The following NBL1 variants were observed in gnomAD, a reference collection of about 807,000 sequenced individuals.
NBL1 encodes NBL1, DAN family BMP antagonist, also known as neuroblastoma suppressor of tumorigenicity 1.
A neutral mutation model predicts 16.0 loss-of-function variants in NBL1; 9 were observed. The ratio of observed to expected loss-of-function variants is 0.56; its 90% CI spans 0.34 to 0.98. The LOEUF is 0.98. NBL1 is among the 50% of genes least tolerant of loss of function. NBL1 has a pLI of 0.02. For missense variants in NBL1, 196 were observed against 243.1 expected, an observed-to-expected ratio of 0.81 and a Z score of 1.29; for synonymous variants, 86 against 100.7, an observed-to-expected ratio of 0.85 and a Z score of 0.87.
chr1:19,650,737 TAA>T (rs113565150), intron 1 of NBL1, among the ~76,000 whole-genome samples: 1 of 139,158 alleles, frequency 7.2e-6, no homozygotes, highest in African/African-American at 2.6e-5. Context: ...GATCGCTGCT[TAA>T]AAAAAAAAAA....
chr1:19,647,845 G>C (rs1262225904), intron 1 of NBL1, among the ~76,000 whole-genome samples: 1 of 151,052 alleles, frequency 6.6e-6, no homozygotes, highest in Non-Finnish European at 1.5e-5. Flanking sequence ...TAACAGGAAA[G>C]GCCTGGTGTG....
At chr1:19,644,294 C>T (rs2094963996), upstream of NBL1, 3 of 979,626 alleles carry the variant, frequency 3.1e-6, no homozygotes, top group Non-Finnish European at 2.4e-6. This position sits in a 1 kb window ranked among gnomAD's most constrained non-coding sequence, Gnocchi z 4.6. Flanking sequence ...CCCCGCGCCG[C>T]GCGCCCGCCC....
intron 1 of NBL1, among the ~76,000 whole-genome samples, chr1:19,647,058 A>C (rs1236954162): frequency 6.6e-6 from 1 of 152,170 alleles, no homozygotes; most frequent in African/African-American, 2.4e-5. Flanking sequence ...ATGATGGGCG[A>C]TCTCTCCAGA....
intron 1 of NBL1, among the ~76,000 whole-genome samples, chr1:19,654,663 A>T (rs912237198): frequency 6.6e-6 from 1 of 152,086 alleles, no homozygotes; most frequent in African/African-American, 2.4e-5. Flanking sequence ...CAGTGGCACC[A>T]TCTCCCCTTT....
Position 19,657,353 on chromosome 1 carries a change from C to T in NBL1, c.*224C>T. The T allele has an allele frequency of 4.2e-6, 1 of 238,466 alleles. No homozygotes were observed. Among genetic ancestry groups the T allele is most frequent in the Non-Finnish European group, 7.3e-6 (1 of 136,566 alleles). The allele number at this position is 238,466 out of a possible 1,614,324, so 14.8% of individuals were successfully genotyped here. A position where few individuals can be genotyped will look rare whatever the true frequency, so the allele number is the denominator to read the frequency against. On this transcript the variant is annotated 3_prime_UTR_variant, in exon 4 of 4. Transcript: ENST00000375136. ...AAGAGTGGGGGGAGGAAGCAGAGGT[C>T]TTCAGGGCTCTTTTTTTGGGGGGGG... is the stretch of plus-strand genomic sequence containing the variant.
chr1:19,654,683 G>A (rs1008405197), intron 1 of NBL1, among the ~76,000 whole-genome samples: 1 of 151,966 alleles, frequency 6.6e-6, no homozygotes, highest in Non-Finnish European at 1.5e-5. Flanking sequence ...TTTAGATGAA[G>A]AAACCGAGGC....
Position 19,657,328 on chromosome 1 carries a change from A to C in NBL1, c.*199A>C. 2.8e-5 allele frequency: 8 copies of C among 281,954 alleles called. No individual in the cohort carries two copies. The highest frequency in any genetic ancestry group is 5.7e-5 in the East Asian group (1 of 17,460). 17.5% of individuals were successfully genotyped at this position (281,954 alleles called of 1,614,324 possible). A position where few individuals can be genotyped will look rare whatever the true frequency, so the allele number is the denominator to read the frequency against. ...CCAAGCTGCACAATTTAATATATTCAAGAGTGGGGGGAGGAAGCAGAGGTC... is the reference window on the plus strand; with the variant it reads ...CCAAGCTGCACAATTTAATATATTCCAGAGTGGGGGGAGGAAGCAGAGGTC... On this transcript the variant is annotated 3_prime_UTR_variant, in exon 4 of 4. Coordinates refer to ENST00000375136, the MANE Select transcript of NBL1 (RefSeq NM_005380.8).
chr1:19,643,572 A>G, upstream of NBL1: 1 of 1,414,342 alleles, frequency 7.1e-7, no homozygotes, highest in Non-Finnish European at 9.2e-7. The surrounding 1 kb of genome is among the most constrained non-coding windows in gnomAD (Gnocchi z 4.7). Context: ...GGAACCCCCG[A>G]GGTGAGGCTG....
chr1:19,656,087 C>A (rs1414437901), intron 3 of NBL1, among the ~76,000 whole-genome samples: 1 of 152,150 alleles, frequency 6.6e-6, no homozygotes, highest in African/African-American at 2.4e-5. Flanking sequence ...CAGTCTTCCA[C>A]CTGCATCCGG....
chr1:19,651,201 T>C (rs1355549933), intron 1 of NBL1, among the ~76,000 whole-genome samples: 1 of 152,170 alleles, frequency 6.6e-6, no homozygotes, highest in African/African-American at 2.4e-5. Context: ...GTTCAAACAC[T>C]GGGGACTCCA....
At chr1:19,648,423 G>C (rs531202543) in intron 1 of NBL1, among the ~76,000 whole-genome samples, 1 of 152,166 alleles carries the variant, frequency 6.6e-6, no homozygotes, top group Non-Finnish European at 1.5e-5. Context: ...CATACCTGGC[G>C]GGGTCACACG....
At chr1:19,652,396 G>T (rs1022889337) in intron 1 of NBL1, among the ~76,000 whole-genome samples, 2 of 152,198 alleles carry the variant, frequency 1.3e-5, no homozygotes, top group Non-Finnish European at 2.9e-5. Context: ...CATGGGCTTT[G>T]TCAGCAAGAC....
chr1:19,652,786 G>C (rs1229379902), intron 1 of NBL1, among the ~76,000 whole-genome samples: 1 of 152,010 alleles, frequency 6.6e-6, no homozygotes, highest in Non-Finnish European at 1.5e-5. Flanking sequence ...TCAGGAGTTT[G>C]AGACCAGCCT....
chr1:19,643,817 T>C (rs1296426102), upstream of NBL1: 2 of 994,024 alleles, frequency 2.0e-6, no homozygotes, highest in East Asian at 1.1e-4. This position sits in a 1 kb window ranked among gnomAD's most constrained non-coding sequence, Gnocchi z 4.7. Context: ...ACCGCAGAAC[T>C]GGGGACTCCT....
At chr1:19,648,660 G>C (rs775335041) in intron 1 of NBL1, among the ~76,000 whole-genome samples, 1 of 152,150 alleles carries the variant, frequency 6.6e-6, no homozygotes, top group Non-Finnish European at 1.5e-5. Context: ...TGCCAAAATG[G>C]GTCTGCTGTT....
intron 3 of NBL1, among the ~76,000 whole-genome samples, chr1:19,656,111 ATC>A (rs959173231): frequency 2.6e-5 from 4 of 151,908 alleles, no homozygotes; most frequent in Admixed American, 1.3e-4. Flanking sequence ...ATTTTGACAG[ATC>A]TGTTTCCCCC....
upstream of NBL1, chr1:19,643,586 G>T: frequency 7.1e-7 from 1 of 1,405,956 alleles, no homozygotes; most frequent in Non-Finnish European, 9.2e-7. The surrounding 1 kb of genome is among the most constrained non-coding windows in gnomAD (Gnocchi z 4.7). Flanking sequence ...GAGGCTGGAA[G>T]CTGGGGCCAG....
At position 19,658,253 on chromosome 1, in the gene NBL1, G is replaced by C. The variant is rs1369542142; in HGVS notation, c.*1124G>C. On this transcript the variant is annotated 3_prime_UTR_variant, in exon 4 of 4. Transcript: ENST00000375136. Reference sequence around the variant, plus strand: ...CTGGGGGGAGGGACAGGGCAGGCGGGCCCATGAAGAAAGCCCCTCGTTGCC... The same window carrying C: ...CTGGGGGGAGGGACAGGGCAGGCGGCCCCATGAAGAAAGCCCCTCGTTGCC... 6.5e-6 allele frequency: 1 copy of C among 152,708 alleles called. No individual in the cohort carries two copies. Among genetic ancestry groups the C allele is most frequent in the East Asian group, 1.9e-4 (1 of 5,186 alleles). 9.5% of individuals were successfully genotyped at this position (152,708 alleles called of 1,614,324 possible).
At chr1:19,643,715 C>A, upstream of NBL1, 1 of 1,150,410 alleles carries the variant, frequency 8.7e-7, no homozygotes, top group South Asian at 2.0e-5. The surrounding 1 kb of genome is among the most constrained non-coding windows in gnomAD (Gnocchi z 4.7). Flanking sequence ...GAGAGCGACA[C>A]TAGGATAACA....
Sources: gnomAD v4.1 joint callset for allele counts (sites outside exome capture counted in the v4.1 genomes callset) on GRCh38, gnomAD v4.1.1 for gene constraint, Gnocchi (gnomAD v3.1) non-coding constraint, MANE v1.5 for transcripts, NCBI Gene and HGNC (gene_info 2026-07-23, HGNC 2026-07-21) for gene names.